The following PTPRG variants were observed in gnomAD, a reference collection of about 807,000 sequenced individuals.
PTPRG encodes protein tyrosine phosphatase receptor type G.
Under a neutral mutation model 165.3 loss-of-function variants are expected in PTPRG, and 102 were observed. That is an observed-to-expected ratio of 0.62 (90% confidence interval 0.53 to 0.73). The LOEUF is 0.73. PTPRG is among the 30% of genes least tolerant of loss of function. PTPRG has a pLI of 0.00. For missense variants in PTPRG, 1,866 were observed against 1,861.4 expected, an observed-to-expected ratio of 1.00 and a Z score of -0.05; for synonymous variants, 675 against 669.5, an observed-to-expected ratio of 1.01 and a Z score of -0.13.
chr3:61,803,891 C>G (rs949375623), intron 2 of PTPRG, among the ~76,000 whole-genome samples: 1 of 152,110 alleles, frequency 6.6e-6, no homozygotes, highest in Non-Finnish European at 1.5e-5. Flanking sequence ...ACATAGTTGT[C>G]AGGTATGAAA....
At chr3:62,122,445 T>C (rs1703110331) in intron 5 of PTPRG, among the ~76,000 whole-genome samples, 1 of 152,076 alleles carries the variant, frequency 6.6e-6, no homozygotes, top group Non-Finnish European at 1.5e-5. Context: ...CATTCAGTGC[T>C]CCAAGAAAGC....
Position 61,856,058 on chromosome 3 carries a change from A to G in PTPRG, c.190+107076A>G, listed in dbSNP as rs182904749. Reference sequence around the variant, plus strand: ...GATTGGGAGGATGCTAGTGATATTGATGGGTGGGTGCTAGTGACAGTCAAG... The same window carrying G: ...GATTGGGAGGATGCTAGTGATATTGGTGGGTGGGTGCTAGTGACAGTCAAG... On this transcript the variant is annotated intron_variant, in intron 2 of 29. Coordinates refer to ENST00000474889, the MANE Select transcript of PTPRG (RefSeq NM_002841.4). Among the ~76,000 whole-genome samples, 371 of 152,244 alleles carry G rather than the reference A, an allele frequency of 2.4e-3. 2 individuals are homozygous for G. Among genetic ancestry groups the G allele is most frequent in the Non-Finnish European group, 4.3e-3 (294 of 68,016 alleles).
rs1342280092 is a variant in PTPRG at position 62,271,833 on chromosome 3, T to C, written c.3182+278T>C. 6.6e-6 allele frequency among the ~76,000 whole-genome samples: 1 copy of C among 152,210 alleles called. No homozygotes were observed. Among genetic ancestry groups the C allele is most frequent in the Non-Finnish European group, 1.5e-5 (1 of 68,044 alleles). On this transcript the variant is annotated intron_variant, in intron 21 of 29. Transcript: ENST00000474889. The surrounding 1 kb of genome is among the most constrained non-coding windows in gnomAD (Gnocchi z 4.1). The stretch of plus-strand genomic sequence containing the variant: ...AGCCAGGCATGGAGGCCAACTCCTG[T>C]AATCCCAGCACTTTGGGAGGCTGAG...
At chr3:62,101,045 G>A (rs1443821801) in intron 5 of PTPRG, among the ~76,000 whole-genome samples, 1 of 152,194 alleles carries the variant, frequency 6.6e-6, no homozygotes, top group Non-Finnish European at 1.5e-5. Context: ...CTAGAAAGAT[G>A]TATGAAAATA....
intron 2 of PTPRG, among the ~76,000 whole-genome samples, chr3:61,963,441 T>C (rs1009959202): frequency 9.2e-5 from 14 of 152,190 alleles, no homozygotes; most frequent in Admixed American, 9.2e-4. Flanking sequence ...AAAAATGCAT[T>C]TGAATTAATA....
intron 1 of PTPRG, among the ~76,000 whole-genome samples, chr3:61,654,943 A>C (rs1424374338): frequency 6.6e-6 from 1 of 151,092 alleles, no homozygotes; most frequent in Non-Finnish European, 1.5e-5. Context: ...CACCATGCCC[A>C]GCTACTTTTT....
In PTPRG at chr3:62,188,038, C is replaced by T. The variant is rs559072689; in HGVS notation, c.1034-3431C>T. Among the ~76,000 whole-genome samples, 17 of 152,108 alleles carry T rather than the reference C, an allele frequency of 1.1e-4. No individual in the cohort carries two copies. In the South Asian group the frequency reaches 1.5e-3, roughly 13 times the overall value. On this transcript the variant is annotated intron_variant, in intron 8 of 29. Coordinates refer to ENST00000474889, the MANE Select transcript of PTPRG (RefSeq NM_002841.4). ...AATGACACTAAGCTCTACTTATTGA[C>T]GAGGAAATATACCCATGAGTTGTTG...
intron 1 of PTPRG, among the ~76,000 whole-genome samples, chr3:61,599,436 T>C (rs533218163): frequency 1.3e-5 from 2 of 152,150 alleles, no homozygotes; most frequent in South Asian, 2.1e-4. Context: ...GCATGACCCA[T>C]TGTGCTTGGC....
At chr3:61,915,775 G>C (rs920414475) in intron 2 of PTPRG, among the ~76,000 whole-genome samples, 1 of 152,198 alleles carries the variant, frequency 6.6e-6, no homozygotes, top group Non-Finnish European at 1.5e-5. Context: ...CGCAATCACA[G>C]AGGGTAAGAT....
chr3:61,842,706 AAAAG>A lies in PTPRG; in HGVS notation c.190+93728_190+93731del, dbSNP rs1231336726. Among the ~76,000 whole-genome samples, 40 of 150,856 alleles carry A rather than the reference AAAAG, an allele frequency of 2.7e-4. 1 individual carries two copies. The highest frequency in any genetic ancestry group is 8.5e-4 in the African/African-American group (35 of 41,082). On this transcript the variant is annotated intron_variant, in intron 2 of 29. Transcript: ENST00000474889. ...TGGCAAAAAAAAAAAAAAAAAAAGA[AAAAG>A]AAAAAGCCAATGGAAAGTGGCAGAG... is the stretch of plus-strand genomic sequence containing the variant.
chr3:62,189,080 T>C (rs1699739177), intron 8 of PTPRG, among the ~76,000 whole-genome samples: 1 of 152,198 alleles, frequency 6.6e-6, no homozygotes, highest in Non-Finnish European at 1.5e-5. Context: ...AAGCCTCCCT[T>C]CAGATTCTTT....
intron 4 of PTPRG, among the ~76,000 whole-genome samples, chr3:62,062,342 C>T (rs1461373497): frequency 6.6e-6 from 1 of 152,164 alleles, no homozygotes; most frequent in Non-Finnish European, 1.5e-5. Context: ...GCAGGATGAA[C>T]TGTTGTTTGA....
chr3:62,061,765 A>AT (rs1700821403), intron 4 of PTPRG, among the ~76,000 whole-genome samples: 1 of 142,382 alleles, frequency 7.0e-6, no homozygotes, highest in Non-Finnish European at 1.5e-5. Context: ...GGTAGCTGGG[A>AT]TTATAGGCGC....
rs140232008 is a variant in PTPRG at position 61,714,293 on chromosome 3, G to A, written c.86-34585G>A. Among the ~76,000 whole-genome samples, 70 of 152,144 alleles carry A rather than the reference G, an allele frequency of 4.6e-4. No individual in the cohort carries two copies. The East Asian group carries it at 0.013, about 28-fold the overall frequency. On this transcript the variant is annotated intron_variant, in intron 1 of 29. Transcript: ENST00000474889. ...TGTTTTTCTAGGTGGGCCCATAGCTGCGAGGAATAAAGACCAGCCTTCACC... is the reference window on the plus strand; with the variant it reads ...TGTTTTTCTAGGTGGGCCCATAGCTACGAGGAATAAAGACCAGCCTTCACC...
chr3:62,038,200 G>A (rs1700011971), intron 4 of PTPRG, among the ~76,000 whole-genome samples: 1 of 152,214 alleles, frequency 6.6e-6, no homozygotes. Flanking sequence ...ATCCCAAGAT[G>A]TGTAATTTTT....
intron 1 of PTPRG, among the ~76,000 whole-genome samples, chr3:61,646,463 A>G (rs1702203994): frequency 6.6e-6 from 1 of 152,196 alleles, no homozygotes; most frequent in Non-Finnish European, 1.5e-5. Context: ...ACTCTTCTGG[A>G]ATTACACATC....
intron 2 of PTPRG, among the ~76,000 whole-genome samples, chr3:61,781,137 C>T (rs1307028764): frequency 6.6e-6 from 1 of 152,164 alleles, no homozygotes; most frequent in African/African-American, 2.4e-5. Context: ...GTGATGGCCT[C>T]TGTAGGAGGA....
chr3:61,987,447 C>G (rs1479402), intron 2 of PTPRG, among the ~76,000 whole-genome samples: 1 of 152,114 alleles, frequency 6.6e-6, no homozygotes, highest in African/African-American at 2.4e-5. Context: ...TTTCTGACAT[C>G]GCAGAGTATT....
chr3:61,564,102 T>C lies in PTPRG; in HGVS notation c.85+1730T>C, dbSNP rs1422557577. 4.6e-5 allele frequency among the ~76,000 whole-genome samples: 7 copies of C among 152,270 alleles called. 1 individual carries two copies. Among genetic ancestry groups the C allele is most frequent in the Admixed American group, 4.6e-4 (7 of 15,302 alleles). On this transcript the variant is annotated intron_variant, in intron 1 of 29. Transcript: ENST00000474889. The stretch of plus-strand genomic sequence containing the variant: ...CCTGCCTCTACGGCCTCTACGGTAG[T>C]GTAGGCCATGGGGACATCTCCCCTT...
Sources: gnomAD v4.1 joint callset for allele counts (sites outside exome capture counted in the v4.1 genomes callset) on GRCh38, gnomAD v4.1.1 for gene constraint, Gnocchi (gnomAD v3.1) non-coding constraint, MANE v1.5 for transcripts, NCBI Gene and HGNC (gene_info 2026-07-23, HGNC 2026-07-21) for gene names.